Variants in SPATA13 observed in about 807,000 individuals in gnomAD.
SPATA13 encodes spermatogenesis associated 13, also known as spermatogenesis-associated protein 13.
In SPATA13, 50 loss-of-function variants were observed where a neutral mutation model predicts 104.0. The observed-to-expected ratio is 0.48, with a 90% CI of 0.38 to 0.61. The LOEUF is 0.61. Among genes scored for constraint, SPATA13 ranks in the 20% least tolerant of loss-of-function variants. SPATA13 has a pLI of 0.00. For missense variants in SPATA13, 1,524 were observed against 1,690.6 expected, an observed-to-expected ratio of 0.90 and a Z score of 1.73; for synonymous variants, 606 against 667.5, an observed-to-expected ratio of 0.91 and a Z score of 1.42.
chr13:23,992,327 G>T (rs1875452752), intron 2 of SPATA13, among the ~76,000 whole-genome samples: 1 of 152,184 alleles, frequency 6.6e-6, no homozygotes, highest in African/African-American at 2.4e-5. Context: ...AGGTTGTTGT[G>T]AAAATTATAT....
chr13:24,141,173 C>A (rs200291159), intron 3 of SPATA13, among the ~76,000 whole-genome samples: 55 of 139,174 alleles, frequency 4.0e-4, no homozygotes, highest in Admixed American at 6.4e-4. Context: ...GACTCTGGCT[C>A]AAAAAAAAAA....
At chr13:24,234,484 G>A (rs1179318853) in intron 2 of SPATA13, among the ~76,000 whole-genome samples, 1 of 152,120 alleles carries the variant, frequency 6.6e-6, no homozygotes, top group Non-Finnish European at 1.5e-5. Context: ...ACCCAGGGTG[G>A]AATTGCTTTC....
At chr13:24,125,364 C>T (rs1004936713) in intron 3 of SPATA13, among the ~76,000 whole-genome samples, 2 of 152,100 alleles carry the variant, frequency 1.3e-5, no homozygotes, top group Non-Finnish European at 2.9e-5. Context: ...GGAAAAGAAA[C>T]TTAGGACATT....
Position 24,303,439 on chromosome 13 carries a change from G to A in SPATA13, c.*666G>A, listed in dbSNP as rs1593523217. ...AGATGCATCTGTCACCTTCATCAGGGTCCTCAGTGCAGAGCAACTTACGCA... is the reference window on the plus strand; with the variant it reads ...AGATGCATCTGTCACCTTCATCAGGATCCTCAGTGCAGAGCAACTTACGCA... On this transcript the variant is annotated 3_prime_UTR_variant, in exon 13 of 13. Coordinates refer to ENST00000382108, the MANE Select transcript of SPATA13 (RefSeq NM_001166271.3). 2.5e-5 allele frequency: 5 copies of A among 202,666 alleles called. No individual in the cohort carries two copies. The highest frequency in any genetic ancestry group is 1.8e-4 in the Admixed American group (3 of 17,074). The allele number at this position is 202,666 out of a possible 1,614,324, so 12.6% of individuals were successfully genotyped here. A position where few individuals can be genotyped will look rare whatever the true frequency, so the allele number is the denominator to read the frequency against.
At chr13:24,079,358 A>T (rs919424514) in intron 3 of SPATA13, among the ~76,000 whole-genome samples, 2 of 152,234 alleles carry the variant, frequency 1.3e-5, no homozygotes, top group African/African-American at 4.8e-5. Flanking sequence ...AGGGGGTGAC[A>T]TGATCCACGC....
chr13:24,246,078 G>A (rs570708639), intron 2 of SPATA13, among the ~76,000 whole-genome samples: 2 of 152,136 alleles, frequency 1.3e-5, no homozygotes, highest in Non-Finnish European at 2.9e-5. Flanking sequence ...TGCGTGTCAC[G>A]TAAGTGTAAA....
intron 1 of SPATA13, among the ~76,000 whole-genome samples, chr13:24,217,567 C>A (rs1159828949): frequency 6.6e-6 from 1 of 152,184 alleles, no homozygotes; most frequent in Non-Finnish European, 1.5e-5. Flanking sequence ...AGAAGGCAGA[C>A]AAGGAAAGCA....
At chr13:24,066,677 A>AC (rs369160621) in intron 3 of SPATA13, among the ~76,000 whole-genome samples, 122 of 151,864 alleles carry the variant, frequency 8.0e-4, no homozygotes, top group African/African-American at 2.9e-3. Context: ...GTCTGTTTTC[A>AC]CCCCTCAGGC....
intron 2 of SPATA13, among the ~76,000 whole-genome samples, chr13:24,234,328 A>C (rs571642308): frequency 1.4e-4 from 21 of 152,328 alleles, no homozygotes; most frequent in African/African-American, 5.1e-4. Context: ...ACCTTAGTGA[A>C]GTACTAAATA....
Position 24,149,596 on chromosome 13 carries a change from A to T in SPATA13, c.-111-73223A>T, listed in dbSNP as rs952502995. On this transcript the variant is annotated intron_variant, in intron 3 of 14. Coordinates refer to the SPATA13 transcript ENST00000424834. The stretch of plus-strand genomic sequence containing the variant: ...CAGAGATGCCCTGAGGCCACCTAAC[A>T]CTCCTAGATCTTCTGTCACTGTGGT... 3.3e-5 allele frequency among the ~76,000 whole-genome samples: 5 copies of T among 151,816 alleles called. No homozygotes were observed. The East Asian group carries it at 9.7e-4, about 29-fold the overall frequency.
intron 2 of SPATA13, among the ~76,000 whole-genome samples, chr13:24,236,074 G>A (rs150071865): frequency 2.0e-5 from 3 of 152,258 alleles, no homozygotes; most frequent in South Asian, 2.1e-4. Flanking sequence ...GTGAGGGGTG[G>A]GGTCGGGCCT....
At chr13:24,293,035 G>A (rs1050433744) in intron 9 of SPATA13, among the ~76,000 whole-genome samples, 1 of 149,094 alleles carries the variant, frequency 6.7e-6, no homozygotes, top group Non-Finnish European at 1.5e-5. Context: ...CGAGGGTGTG[G>A]GGAGAGCCTT....
At chr13:24,174,484 C>G (rs1264923057) in intron 1 of SPATA13, among the ~76,000 whole-genome samples, 1 of 151,980 alleles carries the variant, frequency 6.6e-6, no homozygotes, top group East Asian at 1.9e-4. Flanking sequence ...TCCCTCACAG[C>G]ACTGCTTTCG....
At chr13:24,143,753 G>T (rs1881840098) in intron 3 of SPATA13, among the ~76,000 whole-genome samples, 1 of 152,144 alleles carries the variant, frequency 6.6e-6, no homozygotes, top group Non-Finnish European at 1.5e-5. Flanking sequence ...AAACTGTCTG[G>T]CTACTTGATG....
intron 1 of SPATA13, among the ~76,000 whole-genome samples, chr13:24,202,849 C>T (rs570115012): frequency 1.8e-4 from 28 of 152,076 alleles, no homozygotes; most frequent in Admixed American, 8.5e-4. Flanking sequence ...ATAAAAATGG[C>T]ATCATACGGA....
intron 2 of SPATA13, among the ~76,000 whole-genome samples, chr13:23,992,637 A>C (rs1165074857): frequency 6.6e-6 from 1 of 151,766 alleles, no homozygotes; most frequent in Non-Finnish European, 1.5e-5. Context: ...AATTTCCGGG[A>C]CTCTCTTTAA....
Position 24,284,149 on chromosome 13 carries a change from G to C in SPATA13, c.2179G>C (p.Gly727Arg), listed in dbSNP as rs1875741392. Residue 727 changes from glycine (G) to arginine (R), a missense_variant, in exon 5 of 13, where the codon GGT becomes CGT. This residue lies in a region of SPATA13 where 1,089 missense variants were observed against 1,135.9 expected (regional missense o/e 0.96). Coordinates refer to ENST00000382108, the MANE Select transcript of SPATA13 (RefSeq NM_001166271.3). Reference protein sequence around the residue: ...MRASNVSSDGGTEPSALVDDN... With the variant: ...MRASNVSSDGRTEPSALVDDN... Reference sequence around the variant, plus strand: ...GTATGTTTTAGTTTCTTCAGATGGAGGTACTGAGCCCTCTGCCTTAGTGGA... The same window carrying C: ...GTATGTTTTAGTTTCTTCAGATGGACGTACTGAGCCCTCTGCCTTAGTGGA... 9 of 1,612,246 alleles carry C rather than the reference G, an allele frequency of 5.6e-6. No individual in the cohort carries two copies. Among genetic ancestry groups the C allele is most frequent in the Non-Finnish European group, 7.6e-6 (9 of 1,178,750 alleles).
chr13:24,100,273 T>A (rs1158912747), intron 3 of SPATA13, among the ~76,000 whole-genome samples: 1 of 152,238 alleles, frequency 6.6e-6, no homozygotes, highest in Non-Finnish European at 1.5e-5. Context: ...ATTGCCGCAC[T>A]GCATTGAAGA....
rs1877457544 is a variant in SPATA13 at position 24,304,660 on chromosome 13, T to C, written c.*1887T>C. ...TCAGGTGAACCCTTGGAACATTCTG[T>C]GACCGCCTGATGTCCATTCTGAGCC... is the stretch of plus-strand genomic sequence containing the variant. On this transcript the variant is annotated 3_prime_UTR_variant, in exon 13 of 13. Transcript: ENST00000382108. The C allele has an allele frequency of 6.6e-6, 1 of 152,246 alleles. No homozygotes were observed. Among genetic ancestry groups the C allele is most frequent in the Non-Finnish European group, 1.5e-5 (1 of 68,062 alleles). 9.4% of individuals were successfully genotyped at this position (152,246 alleles called of 1,614,324 possible).
Sources: allele counts gnomAD v4.1 joint callset (sites outside exome capture counted in the v4.1 genomes callset), GRCh38; gene constraint gnomAD v4.1.1; regional missense constraint gnomAD v4.1.1; transcripts MANE v1.5; gene names NCBI Gene and HGNC (gene_info 2026-07-23, HGNC 2026-07-21).